DGLUCY: variants seen among roughly 807,000 people sequenced by gnomAD.
DGLUCY encodes the protein D-glutamate cyclase, mitochondrial.
A neutral mutation model predicts 58.5 loss-of-function variants in DGLUCY; 58 were observed. The ratio of observed to expected loss-of-function variants is 0.99; its 90% CI spans 0.80 to 1.23. DGLUCY has a LOEUF of 1.23. DGLUCY is among the 50% of genes most tolerant of loss of function. The pLI, the probability that DGLUCY is intolerant of heterozygous loss-of-function variation, is 0.00. For missense variants in DGLUCY, 779 were observed against 784.7 expected (o/e 0.99, Z 0.09); for synonymous variants, 325 against 314.1 (o/e 1.03, Z -0.37).
intron 13 of DGLUCY, among the ~76,000 whole-genome samples, chr14:91,222,810 G>A (rs1357375916): frequency 6.6e-6 from 1 of 152,186 alleles, no homozygotes; most frequent in Non-Finnish European, 1.5e-5. Flanking sequence ...TAGGTGGCTT[G>A]AACAACAGAA....
intron 3 of DGLUCY, 150 bp from the exon 4 acceptor site, chr14:91,167,075 G>A (rs2048325236): frequency 2.0e-6 from 2 of 980,098 alleles, no homozygotes; most frequent in Non-Finnish European, 2.9e-6. Flanking sequence ...GGAGGCGGAG[G>A]TTGCAGTGAG....
chr14:91,219,040 C>T (rs1243486228), intron 13 of DGLUCY, among the ~76,000 whole-genome samples: 3 of 151,840 alleles, frequency 2.0e-5, no homozygotes, highest in East Asian at 3.9e-4. Flanking sequence ...ATTAGCCAGG[C>T]GTGGTGGCGG....
chr14:91,153,999 G>A (rs188570338), intron 1 of DGLUCY, among the ~76,000 whole-genome samples: 3 of 152,072 alleles, frequency 2.0e-5, no homozygotes, highest in Non-Finnish European at 4.4e-5. Context: ...TCTGCCTCCC[G>A]GGTTCAAGCA....
chr14:91,108,926 C>T (rs963410408), intron 1 of DGLUCY, among the ~76,000 whole-genome samples: 3 of 152,002 alleles, frequency 2.0e-5, no homozygotes, highest in Non-Finnish European at 4.4e-5. Flanking sequence ...AGAAAGGGAC[C>T]GGAGAGCAAG....
intron 1 of DGLUCY, among the ~76,000 whole-genome samples, chr14:91,153,425 C>T (rs1181960371): frequency 1.3e-5 from 2 of 152,148 alleles, no homozygotes; most frequent in East Asian, 1.9e-4. Context: ...TCAAGTGATC[C>T]GCCCACCTCG....
At chr14:91,195,028 C>T (rs1444315083) in intron 9 of DGLUCY, among the ~76,000 whole-genome samples, 3 of 152,110 alleles carry the variant, frequency 2.0e-5, no homozygotes, top group Admixed American at 1.3e-4. Flanking sequence ...AACATGGGTA[C>T]GGTGCCTCCT....
chr14:91,168,556 A>T (rs187925087), intron 4 of DGLUCY, among the ~76,000 whole-genome samples: 1 of 152,244 alleles, frequency 6.6e-6, no homozygotes, highest in Admixed American at 6.5e-5. Flanking sequence ...CCTGGAGCCC[A>T]TCCCCCAGTG....
In DGLUCY at chr14:91,221,658, G is replaced by A. The variant is rs543787207; in HGVS notation, c.1717-3026G>A. Among the ~76,000 whole-genome samples, 3 of 152,246 alleles carry A rather than the reference G, an allele frequency of 2.0e-5. No individual in the cohort carries two copies. In the East Asian group the frequency reaches 5.8e-4, roughly 29 times the overall value. ...AGGATGAATGCTTTGATGGATGGGT[G>A]ATGCAGAGAGGCAGGAACAGCCTCG... On this transcript the variant is annotated intron_variant, in intron 13 of 13. Transcript: ENST00000256324.
intron 6 of DGLUCY, among the ~76,000 whole-genome samples, chr14:91,174,432 A>C (rs191863131): frequency 6.6e-6 from 1 of 152,020 alleles, no homozygotes; most frequent in Non-Finnish European, 1.5e-5. Context: ...CAGCCTCCCA[A>C]GTAGCTGGGA....
intron 1 of DGLUCY, among the ~76,000 whole-genome samples, chr14:91,089,239 A>G (rs953675213): frequency 1.3e-5 from 2 of 152,154 alleles, no homozygotes; most frequent in African/African-American, 2.4e-5. Flanking sequence ...TCTTTTGATG[A>G]TGGAAACTGC....
chr14:91,200,347 C>T (rs1470848123), intron 11 of DGLUCY, among the ~76,000 whole-genome samples: 2 of 152,106 alleles, frequency 1.3e-5, no homozygotes, highest in Non-Finnish European at 1.5e-5. Context: ...TTGTTCATTA[C>T]GGTTGGTATA....
intron 9 of DGLUCY, among the ~76,000 whole-genome samples, chr14:91,194,433 G>A (rs1486571136): frequency 6.6e-6 from 1 of 151,956 alleles, no homozygotes; most frequent in African/African-American, 2.4e-5. Context: ...GGCTTCACAT[G>A]TAGAATGTGT....
chr14:91,111,198 ATATATGTGTGTGTG>A (rs1159185351), upstream of DGLUCY, among the ~76,000 whole-genome samples: 1 of 32,646 alleles, frequency 3.1e-5, no homozygotes, highest in Admixed American at 3.9e-4. Flanking sequence ...TTTTATTTAT[ATATATGTGTGTGTG>A]TGTGTGTGTG....
intron 13 of DGLUCY, among the ~76,000 whole-genome samples, chr14:91,218,562 C>T (rs1236963809): frequency 6.6e-6 from 1 of 151,910 alleles, no homozygotes; most frequent in African/African-American, 2.4e-5. Context: ...ACCACCACAC[C>T]CGGCTAATTT....
intron 1 of DGLUCY, among the ~76,000 whole-genome samples, chr14:91,148,058 C>T (rs2047106737): frequency 6.6e-6 from 1 of 152,040 alleles, no homozygotes; most frequent in South Asian, 2.1e-4. Context: ...CCTGTAATCC[C>T]AGCTACTTGG....
chr14:91,113,346 G>A (rs1359609744), upstream of DGLUCY, among the ~76,000 whole-genome samples: 2 of 152,154 alleles, frequency 1.3e-5, no homozygotes, highest in Non-Finnish European at 2.9e-5. Context: ...TCGACTGCAC[G>A]AGGTTCAGTG....
chr14:91,190,953 G>T (rs1019927796), intron 9 of DGLUCY, among the ~76,000 whole-genome samples: 3 of 152,150 alleles, frequency 2.0e-5, no homozygotes, highest in Non-Finnish European at 4.4e-5. Flanking sequence ...TGGAGTGGGG[G>T]TGCCTCATGG....
At chr14:91,182,543 C>T (rs2140462679) in intron 8 of DGLUCY, among the ~76,000 whole-genome samples, 2 of 152,218 alleles carry the variant, frequency 1.3e-5, no homozygotes, top group Middle Eastern at 3.4e-3. Context: ...AGTGATTTTC[C>T]CGCCTCGGCC....
chr14:91,197,853 C>T (rs1005983165), intron 10 of DGLUCY, among the ~76,000 whole-genome samples: 2 of 152,186 alleles, frequency 1.3e-5, no homozygotes, highest in African/African-American at 4.8e-5. Flanking sequence ...CTGCTATGAG[C>T]ATGGGTGGAC....
Sources: allele counts gnomAD v4.1 joint callset (sites outside exome capture counted in the v4.1 genomes callset), GRCh38; gene constraint gnomAD v4.1.1; transcripts MANE v1.5; gene names NCBI Gene and HGNC (gene_info 2026-07-23, HGNC 2026-07-21).